Variants in SLTM observed in about 807,000 individuals in gnomAD.
The protein encoded by SLTM is SAFB like transcription modulator, also known as SAFB-like transcription modulator.
SLTM carries 43 observed loss-of-function variants against 134.6 expected under a neutral mutation model. The ratio of observed to expected loss-of-function variants is 0.32; its 90% CI spans 0.25 to 0.41. SLTM has a LOEUF of 0.41. Among genes scored for constraint, SLTM ranks in the 10% least tolerant of loss-of-function variants. The pLI, the probability that SLTM is intolerant of heterozygous loss-of-function variation, is 1.00. For missense variants in SLTM, 1,055 were observed against 1,288.8 expected, an observed-to-expected ratio of 0.82 and a Z score of 2.78; for synonymous variants, 424 against 432.3, an observed-to-expected ratio of 0.98 and a Z score of 0.24.
chr15:58,896,032 G>T (rs1265259668), intron 9 of SLTM, among the ~76,000 whole-genome samples: 1 of 152,196 alleles, frequency 6.6e-6, no homozygotes, highest in African/African-American at 2.4e-5. Flanking sequence ...ACTATTTGAT[G>T]TATATGAAAA....
chr15:58,907,581 G>C (rs1336301004), intron 5 of SLTM, among the ~76,000 whole-genome samples: 9 of 151,992 alleles, frequency 5.9e-5, no homozygotes, highest in Admixed American at 5.9e-4. Flanking sequence ...AGATCGCGTC[G>C]CCACACTCCA....
Position 58,899,858 on chromosome 15 carries a change from G to A in SLTM, c.669C>T (p.His223=). The A allele has an allele frequency of 1.9e-6, 3 of 1,614,072 alleles. No homozygotes were observed. The highest frequency in any genetic ancestry group is 2.2e-5 in the South Asian group (2 of 91,080). The change falls in exon 7 of 21, where the codon CAC becomes CAT. Residue 223 remains histidine, a synonymous_variant. Transcript: ENST00000380516. This position sits in a 1 kb window ranked among gnomAD's most constrained non-coding sequence, Gnocchi z 5.0. ...GAGCTTCCATCTCTTCATGAGCTGTGTGATCAGCCTCAGCTAGGCTCCCTT... is the reference window on the plus strand; with the variant it reads ...GAGCTTCCATCTCTTCATGAGCTGTATGATCAGCCTCAGCTAGGCTCCCTT... ...PSEGSLAEAD[H]TAHEEMEAHT...
intron 5 of SLTM, among the ~76,000 whole-genome samples, chr15:58,901,512 T>C (rs930501782): frequency 6.6e-6 from 1 of 152,220 alleles, no homozygotes; most frequent in Admixed American, 6.5e-5. Context: ...TATCTATCAA[T>C]GAGTACATAA....
intron 5 of SLTM, 52 bp downstream of exon 5, chr15:58,912,511 C>T (rs1359076108): frequency 3.9e-5 from 57 of 1,451,858 alleles, no homozygotes; most frequent in Non-Finnish European, 5.5e-5. Flanking sequence ...GATTCCTTTT[C>T]CAAGCCCGTC....
chr15:58,883,747 G>A lies in SLTM; in HGVS notation c.2875C>T (p.Arg959Trp), dbSNP rs755261794. Residue 959 changes from arginine (R) to tryptophan (W), a missense_variant, in exon 20 of 21, where the codon CGG becomes TGG. Transcript: ENST00000380516. ...EERHVVERHG[R>W]DTSGPRKEWH... ...TCTTTCCTTGGTCCGCTTGTGTCCC[G>A]TCCATGGCGTTCAACCACATGTCGC... 6.2e-6 allele frequency: 10 copies of A among 1,613,918 alleles called. No individual in the cohort carries two copies. Among genetic ancestry groups the A allele is most frequent in the Admixed American group, 1.7e-5 (1 of 59,974 alleles).
chr15:58,894,840 G>A (rs2034953804), intron 9 of SLTM, among the ~76,000 whole-genome samples: 1 of 151,904 alleles, frequency 6.6e-6, no homozygotes, highest in Non-Finnish European at 1.5e-5. Context: ...AAGTAGCTGG[G>A]ATTACAGGCA....
chr15:58,880,656 G>A (rs2033622839), intron 20 of SLTM, among the ~76,000 whole-genome samples: 1 of 152,150 alleles, frequency 6.6e-6, no homozygotes, highest in Non-Finnish European at 1.5e-5. Flanking sequence ...GACTTCCTGG[G>A]CTCAGGTGAT....
intron 1 of SLTM, among the ~76,000 whole-genome samples, chr15:58,932,774 T>C (rs1012505624): frequency 6.6e-6 from 1 of 152,236 alleles, no homozygotes; most frequent in African/African-American, 2.4e-5. Flanking sequence ...AAAAAGAGTT[T>C]TCCTAGTTTC....
intron 20 of SLTM, among the ~76,000 whole-genome samples, chr15:58,881,918 T>C (rs548583616): frequency 3.8e-4 from 57 of 150,786 alleles, no homozygotes; most frequent in African/African-American, 1.2e-3. Context: ...TAAAAAAAAA[T>C]AGAGCCACAC....
chr15:58,887,195 A>G, intron 18 of SLTM, 31 bp downstream of exon 18: 2 of 1,611,852 alleles, frequency 1.2e-6, no homozygotes, highest in South Asian at 2.2e-5. Flanking sequence ...GCATGAGACC[A>G]CTAGGAAAGC....
intron 14 of SLTM, among the ~76,000 whole-genome samples, chr15:58,892,491 A>C (rs1216683585): frequency 6.6e-6 from 1 of 152,164 alleles, no homozygotes; most frequent in Non-Finnish European, 1.5e-5. Context: ...ATCTTATCTC[A>C]AATTTTTCCT....
At chr15:58,883,949 A>G (rs1156540810) in intron 19 of SLTM, among the ~76,000 whole-genome samples, 163 bp from the exon 20 acceptor site, 2 of 151,946 alleles carry the variant, frequency 1.3e-5, no homozygotes, top group African/African-American at 4.8e-5. Flanking sequence ...AATACAAAAA[A>G]TTAGTCAGGC....
chr15:58,908,510 G>A (rs2036033836), intron 5 of SLTM, among the ~76,000 whole-genome samples: 1 of 152,062 alleles, frequency 6.6e-6, no homozygotes. Context: ...GGGACTACAG[G>A]CACAGACCAC....
chr15:58,912,888 C>G (rs2036383079), intron 4 of SLTM: 1 of 311,608 alleles, frequency 3.2e-6, no homozygotes, highest in Non-Finnish European at 6.1e-6. Context: ...AGCACTGACT[C>G]CTTAACCCAC....
At chr15:58,892,428 A>G (rs1314378455) in intron 14 of SLTM, among the ~76,000 whole-genome samples, 1 of 152,224 alleles carries the variant, frequency 6.6e-6, no homozygotes, top group African/African-American at 2.4e-5. Context: ...TTTTTGCTAA[A>G]TTTGTTAAAA....
intron 14 of SLTM, among the ~76,000 whole-genome samples, chr15:58,891,425 A>C (rs77610869): frequency 0.012 from 1,828 of 152,328 alleles, 41 homozygotes; most frequent in African/African-American, 0.042. Context: ...ATTTTTAATA[A>C]ATACTGTTTG....
Position 58,899,795 on chromosome 15 carries a change from C to T in SLTM, c.732G>A (p.Ser244=), listed in dbSNP as rs760260974. 10 of 1,613,938 alleles carry T rather than the reference C, an allele frequency of 6.2e-6. No individual in the cohort carries two copies. The highest frequency in any genetic ancestry group is 1.1e-5 in the South Asian group (1 of 91,070). Residue 244 remains serine (S), a synonymous_variant, in exon 7 of 21, where the codon TCG becomes TCA. Coordinates refer to ENST00000380516, the MANE Select transcript of SLTM (RefSeq NM_024755.4). The surrounding 1 kb of genome is among the most constrained non-coding windows in gnomAD (Gnocchi z 5.0). ...TGGCATCTTCAGCCTGGATTGTGAC[C>T]GAGATGTTGTCATCCTCAGCTTCTT... is the stretch of plus-strand genomic sequence containing the variant. The part of the protein sequence containing the change: ...TVKEAEDDNI[S]VTIQAEDAIT...
intron 2 of SLTM, among the ~76,000 whole-genome samples, chr15:58,930,281 A>ATTTTTTTTT (rs34150533): frequency 8.5e-5 from 10 of 117,650 alleles, no homozygotes; most frequent in African/African-American, 2.0e-4. Context: ...ATGCCCAGCT[A>ATTTTTTTTT]TTTTTTTTTT....
chr15:58,887,329 C>T lies in SLTM; in HGVS notation c.2587G>A (p.Asp863Asn), dbSNP rs1277170159. ...CGAGGATGTCTAGGATGAGTGATAT[C>T]AGGCCTGTCATGAATAATCACCGTT... ...RRTVIIHDRP[D>N]ITHPRHPREA... The change falls in exon 18 of 21, where the codon GAT (aspartate) becomes AAT (asparagine). Residue 863 changes from aspartate (D) to asparagine (N), a missense_variant. Coordinates refer to ENST00000380516, the MANE Select transcript of SLTM (RefSeq NM_024755.4). The T allele has an allele frequency of 6.2e-7, 1 of 1,614,026 alleles. No homozygotes were observed. The highest frequency in any genetic ancestry group is 8.5e-7 in the Non-Finnish European group (1 of 1,180,024).
Sources: gnomAD v4.1 joint callset for allele counts (sites outside exome capture counted in the v4.1 genomes callset) on GRCh38, gnomAD v4.1.1 for gene constraint, Gnocchi (gnomAD v3.1) non-coding constraint, MANE v1.5 for transcripts, NCBI Gene and HGNC (gene_info 2026-07-23, HGNC 2026-07-21) for gene names.